Variants in GRIN2A observed in about 807,000 individuals in gnomAD.
GRIN2A encodes the protein glutamate ionotropic receptor NMDA type subunit 2A.
A neutral mutation model predicts 113.4 loss-of-function variants in GRIN2A; 22 were observed. That is an observed-to-expected ratio of 0.19 (90% CI 0.14 to 0.28). The LOEUF is 0.28. Among genes scored for constraint, GRIN2A ranks in the 10% least tolerant of loss-of-function variants. GRIN2A has a pLI of 1.00. For synonymous variants in GRIN2A, 827 were observed against 738.4 expected, an observed-to-expected ratio of 1.12 and a Z score of -1.94; for missense variants, 1,502 against 1,887.0, an observed-to-expected ratio of 0.80 and a Z score of 3.78.
chr16:9,940,757 CTACCCAACCATCCAA>C (rs2044852592), intron 2 of GRIN2A, among the ~76,000 whole-genome samples: 1 of 152,190 alleles, frequency 6.6e-6, no homozygotes, highest in South Asian at 2.1e-4. Context: ...CCCTGAGGAA[CTACCCAACCATCCAA>C]TACCCAACCT....
At position 9,971,283 on chromosome 16, in the gene GRIN2A, T is replaced by C. The variant is rs79128520; in HGVS notation, c.415-32732A>G. Among the ~76,000 whole-genome samples, 626 of 152,344 alleles carry C rather than the reference T, an allele frequency of 4.1e-3. 15 individuals carry two copies. The East Asian group carries it at 0.048, about 12-fold the overall frequency. On this transcript the variant is annotated intron_variant, in intron 2 of 12. Coordinates refer to ENST00000330684, the MANE Select transcript of GRIN2A (RefSeq NM_001134407.3). ...TTCTTCCCTGATATAACAATTTCCCTTGGGTATGTCAACTCAAAACTCAAC... is the reference window on the plus strand; with the variant it reads ...TTCTTCCCTGATATAACAATTTCCCCTGGGTATGTCAACTCAAAACTCAAC...
chr16:10,161,156 T>A (rs1485827589), intron 2 of GRIN2A, among the ~76,000 whole-genome samples: 1 of 152,210 alleles, frequency 6.6e-6, no homozygotes, highest in Admixed American at 6.5e-5. Context: ...GTTACCCCCA[T>A]GCTGTTCTCA....
At chr16:10,024,950 T>C (rs1407048382) in intron 2 of GRIN2A, among the ~76,000 whole-genome samples, 1 of 151,750 alleles carries the variant, frequency 6.6e-6, no homozygotes, top group Non-Finnish European at 1.5e-5. Context: ...AAAATTTAAA[T>C]GAATTTTTTA....
At chr16:10,093,351 T>C (rs953207380) in intron 2 of GRIN2A, among the ~76,000 whole-genome samples, 11 of 152,166 alleles carry the variant, frequency 7.2e-5, no homozygotes, top group Admixed American at 2.6e-4. Context: ...CATAGGCACA[T>C]CCCAGGTGTG....
chr16:9,801,431 T>A (rs1000875913), intron 10 of GRIN2A, among the ~76,000 whole-genome samples: 2 of 152,126 alleles, frequency 1.3e-5, no homozygotes, highest in African/African-American at 4.8e-5. Flanking sequence ...GGTGAAACCT[T>A]CTCCTATCCT....
intron 2 of GRIN2A, among the ~76,000 whole-genome samples, chr16:10,065,602 C>A (rs951297347): frequency 2.6e-5 from 4 of 152,190 alleles, no homozygotes; most frequent in Non-Finnish European, 5.9e-5. Flanking sequence ...ATAGCTCCTA[C>A]CTCATAAGGT....
At chr16:9,822,766 C>A (rs1358389731) in intron 9 of GRIN2A, among the ~76,000 whole-genome samples, 2 of 152,192 alleles carry the variant, frequency 1.3e-5, no homozygotes, top group East Asian at 1.9e-4. Flanking sequence ...GTTAGGCACA[C>A]AGTCAGTACT....
chr16:10,152,361 C>A (rs1322347208), intron 2 of GRIN2A, among the ~76,000 whole-genome samples: 1 of 152,164 alleles, frequency 6.6e-6, no homozygotes, highest in Non-Finnish European at 1.5e-5. Context: ...CTGTTTTCTC[C>A]GGCTGGAGAA....
At chr16:10,081,938 G>A (rs1596486665) in intron 2 of GRIN2A, among the ~76,000 whole-genome samples, 1 of 152,200 alleles carries the variant, frequency 6.6e-6, no homozygotes, top group Non-Finnish European at 1.5e-5. Flanking sequence ...TTGTAGTCCT[G>A]GAGTCAGCCT....
At chr16:9,918,480 A>T (rs748722607) in intron 3 of GRIN2A, among the ~76,000 whole-genome samples, 4 of 152,222 alleles carry the variant, frequency 2.6e-5, no homozygotes, top group Non-Finnish European at 5.9e-5. Flanking sequence ...TCTCTCTTAA[A>T]ATACTGTATT....
In GRIN2A at chr16:9,757,142, C is replaced by G. The variant is rs1178639638; in HGVS notation, c.*6007G>C. 1 of 216,792 alleles carries G rather than the reference C, an allele frequency of 4.6e-6. No homozygotes were observed. Among genetic ancestry groups the G allele is most frequent in the Non-Finnish European group, 9.3e-6 (1 of 107,740 alleles). The allele number at this position is 216,792 out of a possible 1,614,324, so 13.4% of individuals were successfully genotyped here. On this transcript the variant is annotated 3_prime_UTR_variant, in exon 13 of 13. Coordinates refer to ENST00000330684, the MANE Select transcript of GRIN2A (RefSeq NM_001134407.3). ...TTTTCTTGAGGCACATGTCATAATG[C>G]AAGGCTGGGAGGAGGCATGATTTGG...
At chr16:9,955,790 G>A (rs749038148) in intron 2 of GRIN2A, among the ~76,000 whole-genome samples, 5 of 152,206 alleles carry the variant, frequency 3.3e-5, no homozygotes, top group Admixed American at 6.5e-5. Context: ...GCTTGCCTAA[G>A]TGCATCAAGG....
intron 2 of GRIN2A, among the ~76,000 whole-genome samples, chr16:10,062,169 G>A (rs949245527): frequency 3.3e-5 from 5 of 152,138 alleles, no homozygotes; most frequent in African/African-American, 1.2e-4. Flanking sequence ...TGGATTGCGA[G>A]TATCCACTTC....
chr16:10,174,945 C>T (rs972424914), intron 2 of GRIN2A, among the ~76,000 whole-genome samples: 2 of 152,054 alleles, frequency 1.3e-5, no homozygotes, highest in African/African-American at 4.8e-5. Context: ...CAATGGACCA[C>T]AAGTACACAA....
intron 11 of GRIN2A, among the ~76,000 whole-genome samples, chr16:9,779,222 G>A (rs1453798135): frequency 6.6e-6 from 1 of 152,202 alleles, no homozygotes; most frequent in East Asian, 1.9e-4. Context: ...CTCTGGCCAG[G>A]GGCTTCAGCC....
At chr16:9,773,811 C>T (rs932573021) in intron 11 of GRIN2A, among the ~76,000 whole-genome samples, 1 of 152,178 alleles carries the variant, frequency 6.6e-6, no homozygotes, top group Non-Finnish European at 1.5e-5. Flanking sequence ...TAGTTCTGCA[C>T]CATCGTGAGG....
At chr16:9,797,154 G>C (rs1903044841) in intron 11 of GRIN2A, among the ~76,000 whole-genome samples, 1 of 152,202 alleles carries the variant, frequency 6.6e-6, no homozygotes, top group African/African-American at 2.4e-5. Context: ...GTGGTAACTA[G>C]ATTTTTCTCT....
intron 3 of GRIN2A, among the ~76,000 whole-genome samples, chr16:9,928,587 A>T (rs1596603386): frequency 6.6e-6 from 1 of 151,766 alleles, no homozygotes; most frequent in South Asian, 2.1e-4. Flanking sequence ...TCGCCTCCTC[A>T]TCTCTCCAGA....
chr16:10,001,002 C>G (rs2046310930), intron 2 of GRIN2A, among the ~76,000 whole-genome samples: 1 of 152,118 alleles, frequency 6.6e-6, no homozygotes, highest in Non-Finnish European at 1.5e-5. Flanking sequence ...ATTAATTTAA[C>G]TAGGATGATA....
Sources: allele counts gnomAD v4.1 joint callset (sites outside exome capture counted in the v4.1 genomes callset), GRCh38; gene constraint gnomAD v4.1.1; transcripts MANE v1.5; gene names NCBI Gene and HGNC (gene_info 2026-07-23, HGNC 2026-07-21).